TTYH1: variants seen among roughly 807,000 people sequenced by gnomAD.
The protein encoded by TTYH1 is tweety family member 1.
A neutral mutation model predicts 61.2 loss-of-function variants in TTYH1; 33 were observed. The observed-to-expected ratio is 0.54, with a 90% CI of 0.41 to 0.72. TTYH1 has a LOEUF of 0.72. Among genes scored for constraint, TTYH1 ranks in the 30% least tolerant of loss-of-function variants. The pLI is 0.00. For synonymous variants in TTYH1, 308 were observed against 266.4 expected, an observed-to-expected ratio of 1.16 and a Z score of -1.52; for missense variants, 538 against 575.8, an observed-to-expected ratio of 0.93 and a Z score of 0.67.
intron 5 of TTYH1, among the ~76,000 whole-genome samples, chr19:54,427,557 T>TCG (rs2083351131): frequency 6.6e-6 from 1 of 150,970 alleles, no homozygotes; most frequent in South Asian, 2.1e-4. Flanking sequence ...TGAGCTGAGA[T>TCG]TGCACCACTG....
At chr19:54,427,449 C>A (rs951849741) in intron 5 of TTYH1, among the ~76,000 whole-genome samples, 1 of 150,066 alleles carries the variant, frequency 6.7e-6, no homozygotes, top group Non-Finnish European at 1.5e-5. Flanking sequence ...ACTAAAAATA[C>A]AAAAATTAGC....
intron 10 of TTYH1, chr19:54,435,210 T>C: frequency 3.4e-6 from 1 of 293,214 alleles, no homozygotes; most frequent in Non-Finnish European, 6.4e-6. Flanking sequence ...TGGTGGGAGA[T>C]GCTGGACTGG....
chr19:54,415,696 G>T lies in TTYH1; in HGVS notation c.126+18G>T. On this transcript the variant is annotated intron_variant, in intron 1 of 13. Coordinates refer to ENST00000376530, the MANE Select transcript of TTYH1 (RefSeq NM_020659.4). This position sits in a 1 kb window ranked among gnomAD's most constrained non-coding sequence, Gnocchi z 5.2. The stretch of plus-strand genomic sequence containing the variant: ...ACCAGCAGGTGGGACCGGGCGCCAG[G>T]GCCTGGGGGCCAGGGCTGGGGGCCG... The T allele has an allele frequency of 6.5e-7, 1 of 1,533,194 alleles. No homozygotes were observed. The highest frequency in any genetic ancestry group is 2.4e-5 in the East Asian group (1 of 40,828). 95.0% of individuals were successfully genotyped at this position (1,533,194 alleles called of 1,614,324 possible). A position where few individuals can be genotyped will look rare whatever the true frequency, so the allele number is the denominator to read the frequency against.
chr19:54,422,278 T>TGGCTGCCGCCCGAGG lies in TTYH1; in HGVS notation c.511_525dup (p.Ala171_Ala175dup). The TGGCTGCCGCCCGAGG allele has an allele frequency of 6.4e-7, 1 of 1,567,228 alleles. No homozygotes were observed. Among genetic ancestry groups the TGGCTGCCGCCCGAGG allele is most frequent in the East Asian group, 2.3e-5 (1 of 43,112 alleles). On this transcript the variant is annotated inframe_insertion, in exon 4 of 14. Coordinates refer to ENST00000376530, the MANE Select transcript of TTYH1 (RefSeq NM_020659.4). ...GTGCTCGAGCCGCGCACGGAGCTGG[T>TGGCTGCCGCCCGAGG]GGCTGCCGCCCGAGGGGCTCGACGG...
Position 54,431,196 on chromosome 19 carries a change from A to T in TTYH1, c.1125+5A>T. 6.2e-7 allele frequency: 1 copy of T among 1,609,842 alleles called. No individual in the cohort carries two copies. The highest frequency in any genetic ancestry group is 1.1e-5 in the South Asian group (1 of 90,990). On this transcript the variant is annotated splice_donor_5th_base_variant and intron_variant, in intron 10 of 13. Coordinates refer to ENST00000376530, the MANE Select transcript of TTYH1 (RefSeq NM_020659.4). ...CACTGCCGCAGCCTGCACAAGGTGAAGCCCCTCCCCTCCCAATTTCTTCTC... is the reference window on the plus strand; with the variant it reads ...CACTGCCGCAGCCTGCACAAGGTGATGCCCCTCCCCTCCCAATTTCTTCTC...
At position 54,436,004 on chromosome 19, in the gene TTYH1, G is replaced by C; in HGVS notation, c.1315-87G>C. 6.3e-7 allele frequency: 1 copy of C among 1,576,876 alleles called. No homozygotes were observed. The highest frequency in any genetic ancestry group is 8.7e-7 in the Non-Finnish European group (1 of 1,147,910). ...GGCTGGGGCCCGGACTCCTGGGTCT[G>C]AGGGAGGAGGGGCTGGGGTCCCACA... is the stretch of plus-strand genomic sequence containing the variant. On this transcript the variant is annotated intron_variant, in intron 12 of 13. Coordinates refer to ENST00000376530, the MANE Select transcript of TTYH1 (RefSeq NM_020659.4). This position sits in a 1 kb window ranked among gnomAD's most constrained non-coding sequence, Gnocchi z 4.3.
intron 4 of TTYH1, among the ~76,000 whole-genome samples, chr19:54,423,588 A>G (rs1212486563): frequency 6.6e-6 from 1 of 152,056 alleles, no homozygotes; most frequent in Non-Finnish European, 1.5e-5. Context: ...TACTTTGCAG[A>G]CCTCTGCCTT....
rs1225633263 is a variant in TTYH1 at position 54,421,767 on chromosome 19, G to A, written c.417+379G>A. On this transcript the variant is annotated intron_variant, in intron 3 of 13. Transcript: ENST00000376530. The surrounding 1 kb of genome is among the most constrained non-coding windows in gnomAD (Gnocchi z 4.8). ...GTCCCCGACTTGAGGCTTCAGCTCC[G>A]ACATCAGCTCCAGGATTCTGGGCCC... Among the ~76,000 whole-genome samples, 1 of 152,032 alleles carries A rather than the reference G, an allele frequency of 6.6e-6. No homozygotes were observed. Among genetic ancestry groups the A allele is most frequent in the South Asian group, 2.1e-4 (1 of 4,820 alleles).
In TTYH1 at chr19:54,419,052, C is replaced by CA; in HGVS notation, c.127-75dup. 6.9e-7 allele frequency: 1 copy of CA among 1,456,884 alleles called. No individual in the cohort carries two copies. 90.2% of individuals were successfully genotyped at this position (1,456,884 alleles called of 1,614,324 possible). ...TCTGACATCCCAGACCCCGACCCCC[C>CA]AGCCACGCAGGAAGGGGGATCTGAG... On this transcript the variant is annotated intron_variant, in intron 1 of 13. Transcript: ENST00000376530. This position sits in a 1 kb window ranked among gnomAD's most constrained non-coding sequence, Gnocchi z 6.1.
rs767434392 is a variant in TTYH1, at chr19:54,416,755, C to CCA, written c.126+1083_126+1084dup. ...GCCTGCTCCTCGCCGCCCCCTCTCC[C>CCA]CACACACGGGGACCGCCGTCCCCTC... On this transcript the variant is annotated intron_variant, in intron 1 of 13. Transcript: ENST00000376530. The surrounding 1 kb of genome is among the most constrained non-coding windows in gnomAD (Gnocchi z 7.0). 1 of 1,292,216 alleles carries CCA rather than the reference C, an allele frequency of 7.7e-7. No individual in the cohort carries two copies. Among genetic ancestry groups the CCA allele is most frequent in the South Asian group, 1.2e-5 (1 of 80,982 alleles). 80.0% of individuals were successfully genotyped at this position (1,292,216 alleles called of 1,614,324 possible). A position where few individuals can be genotyped will look rare whatever the true frequency, so the allele number is the denominator to read the frequency against.
In TTYH1 at chr19:54,434,747, G is replaced by A. The variant is rs566878455; in HGVS notation, c.1126-795G>A. On this transcript the variant is annotated intron_variant, in intron 10 of 13. Coordinates refer to ENST00000376530, the MANE Select transcript of TTYH1 (RefSeq NM_020659.4). This position sits in a 1 kb window ranked among gnomAD's most constrained non-coding sequence, Gnocchi z 4.3. ...GGCATGTTGAGTGTGTATTGTGTGCGCGGTGTCATCTTGAGCCACTGGTTG... is the reference window on the plus strand; with the variant it reads ...GGCATGTTGAGTGTGTATTGTGTGCACGGTGTCATCTTGAGCCACTGGTTG... The A allele has an allele frequency of 2.0e-5, 3 of 152,398 alleles. No homozygotes were observed. Among genetic ancestry groups the A allele is most frequent in the South Asian group, 2.1e-4 (1 of 4,836 alleles). 9.4% of individuals were successfully genotyped at this position (152,398 alleles called of 1,614,324 possible).
At position 54,419,372 on chromosome 19, in the gene TTYH1, T is replaced by C; in HGVS notation, c.305+66T>C. 6.7e-7 allele frequency: 1 copy of C among 1,493,066 alleles called. No homozygotes were observed. The highest frequency in any genetic ancestry group is 9.1e-7 in the Non-Finnish European group (1 of 1,101,442). The allele number at this position is 1,493,066 out of a possible 1,614,324, so 92.5% of individuals were successfully genotyped here. A position where few individuals can be genotyped will look rare whatever the true frequency, so the allele number is the denominator to read the frequency against. ...TCCCCAAGCTCTTTGCTGGCCTTCC[T>C]GGGGGTGTCCTCCGGGGACATGGAG... On this transcript the variant is annotated intron_variant, in intron 2 of 13. Transcript: ENST00000376530. The surrounding 1 kb of genome is among the most constrained non-coding windows in gnomAD (Gnocchi z 6.1).
rs1336602967 is a variant in TTYH1, at chr19:54,430,886, C to T, written c.1013C>T (p.Pro338Leu). 1.2e-5 allele frequency: 20 copies of T among 1,613,342 alleles called. No homozygotes were observed. Among genetic ancestry groups the T allele is most frequent in the Non-Finnish European group, 1.7e-5 (20 of 1,180,000 alleles). The change falls in exon 9 of 14, where the codon CCT becomes CTT. Residue 338 changes from proline (P) to leucine (L), a missense_variant. Around this residue, in one of 3 missense-constraint regions of TTYH1, gnomAD observed 378 missense variants for 401.2 expected, o/e 0.94. Transcript: ENST00000376530. Reference protein sequence around the residue: ...QLLGLEREAVPQFPSAQKPLL... With the variant: ...QLLGLEREAVLQFPSAQKPLL... ...CTGGGCCTGGAGCGAGAAGCTGTGC[C>T]TCAGTTCCCTTCAGCGCAGGTCGGT...
chr19:54,426,847 T>G, intron 5 of TTYH1, 79 bp downstream of exon 5: 20 of 1,292,898 alleles, frequency 1.5e-5, no homozygotes, highest in African/African-American at 2.9e-5. Flanking sequence ...ACAACTCTCC[T>G]ACACGGAGGA....
rs768605997 is a variant in TTYH1, at chr19:54,436,206, C to T, written c.*42+35C>T. ...CAAGGGCCACCCCAGCTCCTGCAGC[C>T]GGGCCTCTGCCCCCCTCCCGCCCTC... On this transcript the variant is annotated intron_variant, in intron 13 of 13. Coordinates refer to ENST00000376530, the MANE Select transcript of TTYH1 (RefSeq NM_020659.4). This position sits in a 1 kb window ranked among gnomAD's most constrained non-coding sequence, Gnocchi z 4.3. 59 of 1,607,910 alleles carry T rather than the reference C, an allele frequency of 3.7e-5. No individual in the cohort carries two copies. Among genetic ancestry groups the T allele is most frequent in the Non-Finnish European group, 4.7e-5 (55 of 1,174,922 alleles).
At position 54,429,339 on chromosome 19, in the gene TTYH1, T is replaced by G; in HGVS notation, c.767T>G (p.Leu256Arg). Residue 256 changes from leucine to arginine, a missense_variant, in exon 6 of 14, where the codon CTG (leucine) becomes CGG (arginine). Transcript: ENST00000376530. The surrounding 1 kb of genome is among the most constrained non-coding windows in gnomAD (Gnocchi z 5.1). Reference protein sequence around the residue: ...MTVMSLLVLVLSWGSMGLEAA... With the variant: ...MTVMSLLVLVRSWGSMGLEAA... ...GTCATGAGTCTCCTGGTTCTCGTCCTGAGCTGGGGCTCCATGGGCCTGGAG... is the reference window on the plus strand; with the variant it reads ...GTCATGAGTCTCCTGGTTCTCGTCCGGAGCTGGGGCTCCATGGGCCTGGAG... 1 of 1,614,146 alleles carries G rather than the reference T, an allele frequency of 6.2e-7. No homozygotes were observed. Among genetic ancestry groups the G allele is most frequent in the South Asian group, 1.1e-5 (1 of 91,084 alleles).
In TTYH1 at chr19:54,429,640, T is replaced by C. The variant is rs1414746987; in HGVS notation, c.808-242T>C. Among the ~76,000 whole-genome samples the C allele has an allele frequency of 6.8e-6, 1 of 147,952 alleles. No homozygotes were observed. Among genetic ancestry groups the C allele is most frequent in the Non-Finnish European group, 1.5e-5 (1 of 66,898 alleles). On this transcript the variant is annotated intron_variant, in intron 6 of 13. Transcript: ENST00000376530. This position sits in a 1 kb window ranked among gnomAD's most constrained non-coding sequence, Gnocchi z 5.1. ...GGCTGGGGGTCTGGACTCCTGGGTG[T>C]GAGGGAGGAGAAGCTGGGGGCCTGG...
Position 54,420,452 on chromosome 19 carries a change from A to G in TTYH1, c.306-825A>G, listed in dbSNP as rs1479969692. 4.0e-5 allele frequency among the ~76,000 whole-genome samples: 6 copies of G among 151,842 alleles called. No homozygotes were observed. The highest frequency in any genetic ancestry group is 7.4e-5 in the Non-Finnish European group (5 of 67,916). Reference sequence around the variant, plus strand: ...GGACTCTGAACAATGGGGCGGGGACACTGGGCGTCCGACCCGAGGGATGGG... The same window carrying G: ...GGACTCTGAACAATGGGGCGGGGACGCTGGGCGTCCGACCCGAGGGATGGG... On this transcript the variant is annotated intron_variant, in intron 2 of 13. Coordinates refer to ENST00000376530, the MANE Select transcript of TTYH1 (RefSeq NM_020659.4). The surrounding 1 kb of genome is among the most constrained non-coding windows in gnomAD (Gnocchi z 4.8).
rs2083400507 is a variant in TTYH1 at position 54,429,888 on chromosome 19, A to G, written c.814A>G (p.Ser272Gly). 1 of 1,613,920 alleles carries G rather than the reference A, an allele frequency of 6.2e-7. No individual in the cohort carries two copies. Among genetic ancestry groups the G allele is most frequent in the Non-Finnish European group, 8.5e-7 (1 of 1,179,862 alleles). Residue 272 changes from serine (S) to glycine (G), a missense_variant, in exon 7 of 14, where the codon AGT becomes GGT. Coordinates refer to ENST00000376530, the MANE Select transcript of TTYH1 (RefSeq NM_020659.4). The surrounding 1 kb of genome is among the most constrained non-coding windows in gnomAD (Gnocchi z 5.1). The part of the protein sequence containing the change: ...GLEAATAVGL[S>G]DFCSNPDPYV... Reference sequence around the variant, plus strand: ...TTTCTGCTGCCTCACGCAGGGCCTCAGTGACTTCTGCTCCAATCCAGACCC... The same window carrying G: ...TTTCTGCTGCCTCACGCAGGGCCTCGGTGACTTCTGCTCCAATCCAGACCC...
Sources: gnomAD v4.1 joint callset for allele counts (sites outside exome capture counted in the v4.1 genomes callset) on GRCh38, gnomAD v4.1.1 for gene constraint, gnomAD v4.1.1 regional missense constraint, Gnocchi (gnomAD v3.1) non-coding constraint, MANE v1.5 for transcripts, NCBI Gene and HGNC (gene_info 2026-07-23, HGNC 2026-07-21) for gene names.